Variants in CFAP46 observed in about 807,000 individuals in gnomAD.
The protein encoded by CFAP46 is cilia and flagella associated protein 46, also known as cilia- and flagella-associated protein 46.
In CFAP46, 245 loss-of-function variants were observed where a neutral mutation model predicts 325.7. The ratio of observed to expected loss-of-function variants is 0.75; its 90% confidence interval spans 0.68 to 0.84. The LOEUF (loss-of-function observed/expected upper bound fraction) is 0.84, where lower values mean the gene tolerates loss of function less well. CFAP46 is among the 40% of genes least tolerant of loss of function. CFAP46 has a pLI of 0.00. For synonymous variants in CFAP46, 1,523 were observed against 1,495.9 expected, an observed-to-expected ratio of 1.02 and a Z score of -0.42; for missense variants, 3,346 against 3,543.0, an observed-to-expected ratio of 0.94 and a Z score of 1.41.
intron 8 of CFAP46, among the ~76,000 whole-genome samples, chr10:132,931,326 C>T (rs1849897602): frequency 7.4e-6 from 1 of 135,158 alleles, no homozygotes; most frequent in Non-Finnish European, 1.6e-5. Context: ...CACGCAGAGC[C>T]TGGGCCTTCC....
chr10:132,830,335 G>T (rs546039357), intron 50 of CFAP46, among the ~76,000 whole-genome samples: 3 of 152,104 alleles, frequency 2.0e-5, no homozygotes, highest in African/African-American at 4.8e-5. Context: ...GTAGAGATGG[G>T]GTTTCACCAT....
intron 44 of CFAP46, among the ~76,000 whole-genome samples, chr10:132,838,732 G>A (rs1049841221): frequency 4.6e-5 from 7 of 152,258 alleles, no homozygotes; most frequent in Non-Finnish European, 8.8e-5. Flanking sequence ...GATTTCTACC[G>A]GGCGCAGAGT....
intron 31 of CFAP46, among the ~76,000 whole-genome samples, chr10:132,875,236 TGAA>T (rs930750759): frequency 2.0e-4 from 29 of 148,320 alleles, no homozygotes; most frequent in African/African-American, 7.4e-4. Context: ...TAAGAGATGC[TGAA>T]GAAGACCTAC....
Position 132,886,102 on chromosome 10 carries a change from C to T in CFAP46, c.3305-143G>A, listed in dbSNP as rs143877676. ...GAGGTGCCCAGGCCAGCGCATGCCC[C>T]GCAGGGCTGAAGTGAGCTGTGGACC... is the stretch of plus-strand genomic sequence containing the variant. On this transcript the variant is annotated intron_variant, in intron 25 of 57. Transcript: ENST00000368586. This position sits in a 1 kb window ranked among gnomAD's most constrained non-coding sequence, Gnocchi z 5.8. 206 of 1,181,976 alleles carry T rather than the reference C, an allele frequency of 1.7e-4. No homozygotes were observed. In the African/African-American group the frequency reaches 2.4e-3, roughly 14 times the overall value. 73.2% of individuals were successfully genotyped at this position (1,181,976 alleles called of 1,614,324 possible).
At chr10:132,858,303 A>C (rs4880452) in intron 38 of CFAP46, among the ~76,000 whole-genome samples, 10,964 of 35,544 alleles carry the variant, frequency 0.31, 949 homozygotes, top group Admixed American at 0.35. Context: ...GGGGGCAGGG[A>C]GGTGGGCGGG....
In CFAP46 at chr10:132,861,504, G is replaced by A. The variant is rs74161914; in HGVS notation, c.4891-522C>T. 4.6e-5 allele frequency among the ~76,000 whole-genome samples: 7 copies of A among 152,280 alleles called. No individual in the cohort carries two copies. In the South Asian group the frequency reaches 1.5e-3, roughly 32 times the overall value. On this transcript the variant is annotated intron_variant, in intron 35 of 57. Transcript: ENST00000368586. ...TAGGGGCTCCCGCTTGGGGCGAAAG[G>A]CTTCGGGACAGCCACACCTGGACAC...
intron 44 of CFAP46, among the ~76,000 whole-genome samples, chr10:132,840,566 A>C (rs769742898): frequency 6.6e-6 from 1 of 152,048 alleles, no homozygotes; most frequent in Admixed American, 6.5e-5. Context: ...CAAGGCTGTT[A>C]TTTTTCCTGT....
chr10:132,869,386 G>C lies in CFAP46; in HGVS notation c.4512-14C>G. 6.6e-7 allele frequency: 1 copy of C among 1,514,898 alleles called. No individual in the cohort carries two copies. Among genetic ancestry groups the C allele is most frequent in the East Asian group, 2.5e-5 (1 of 39,946 alleles). The allele number at this position is 1,514,898 out of a possible 1,614,324, so 93.8% of individuals were successfully genotyped here. On this transcript the variant is annotated splice_polypyrimidine_tract_variant and intron_variant, in intron 32 of 57. Transcript: ENST00000368586. The surrounding 1 kb of genome is among the most constrained non-coding windows in gnomAD (Gnocchi z 6.2). Reference sequence around the variant, plus strand: ...GCGTGGGCGAGGCTGTGGGGAGTGTGGCCGAAAGAGTCAGTGTTGCACGGG... The same window carrying C: ...GCGTGGGCGAGGCTGTGGGGAGTGTCGCCGAAAGAGTCAGTGTTGCACGGG...
chr10:132,868,235 C>G (rs1030485820), intron 33 of CFAP46, among the ~76,000 whole-genome samples: 5 of 152,190 alleles, frequency 3.3e-5, no homozygotes, highest in Non-Finnish European at 7.3e-5. Context: ...CGCTGGCCAC[C>G]CCACATCGCG....
intron 15 of CFAP46, among the ~76,000 whole-genome samples, chr10:132,918,848 A>T (rs1849677095): frequency 6.6e-6 from 1 of 152,126 alleles, no homozygotes; most frequent in Non-Finnish European, 1.5e-5. Context: ...TGACTCCTGC[A>T]GGACTCCCAG....
intron 26 of CFAP46, 60 bp downstream of exon 26, chr10:132,885,754 CACAGGCG>C (rs1849116411): frequency 6.9e-7 from 1 of 1,452,418 alleles, no homozygotes; most frequent in Admixed American, 2.1e-5. Context: ...GGGGAGCACT[CACAGGCG>C]GTGGGGGGAG....
intron 39 of CFAP46, among the ~76,000 whole-genome samples, chr10:132,854,558 C>T (rs549879163): frequency 2.6e-5 from 4 of 152,204 alleles, no homozygotes; most frequent in East Asian, 3.9e-4. Context: ...AGGATGGTCT[C>T]GATCTCCTGA....
intron 8 of CFAP46, among the ~76,000 whole-genome samples, chr10:132,933,724 A>C (rs1849949014): frequency 1.3e-5 from 2 of 152,338 alleles, no homozygotes; most frequent in South Asian, 4.1e-4. Context: ...CTCCCTGATG[A>C]GACCACGAAC....
chr10:132,846,337 C>T, intron 43 of CFAP46, 110 bp from the exon 44 acceptor site: 1 of 1,351,290 alleles, frequency 7.4e-7, no homozygotes, highest in Non-Finnish European at 9.9e-7. Flanking sequence ...AGTGGGCTGG[C>T]TCTCCTGGCA....
chr10:132,905,230 G>A (rs999352254), intron 22 of CFAP46, among the ~76,000 whole-genome samples: 28 of 152,138 alleles, frequency 1.8e-4, no homozygotes, highest in South Asian at 1.0e-3. Flanking sequence ...TGGAGAGTCC[G>A]GCTGTAAATG....
intron 41 of CFAP46, among the ~76,000 whole-genome samples, chr10:132,849,492 G>T (rs1848498640): frequency 6.6e-6 from 1 of 152,176 alleles, no homozygotes; most frequent in African/African-American, 2.4e-5. Flanking sequence ...TCTCTGCTGG[G>T]GCAGGTGCCT....
Position 132,874,798 on chromosome 10 carries a change from C to A in CFAP46, c.4363-1974G>T, listed in dbSNP as rs117809835. On this transcript the variant is annotated intron_variant, in intron 31 of 57. Coordinates refer to ENST00000368586, the MANE Select transcript of CFAP46 (RefSeq NM_001200049.3). The stretch of plus-strand genomic sequence containing the variant: ...AATAAAGATCGATAAAAACCTACAA[C>A]AAACATCAATTATACTTCAGAGTAA... Among the ~76,000 whole-genome samples, 23 of 152,290 alleles carry A rather than the reference C, an allele frequency of 1.5e-4. No homozygotes were observed. The East Asian group carries it at 4.2e-3, about 28-fold the overall frequency.
In CFAP46 at chr10:132,877,144, G is replaced by A. The variant is rs529786876; in HGVS notation, c.4213-183C>T. 2.6e-5 allele frequency among the ~76,000 whole-genome samples: 4 copies of A among 152,312 alleles called. No individual in the cohort carries two copies. In the East Asian group the frequency reaches 5.8e-4, roughly 22 times the overall value. On this transcript the variant is annotated intron_variant, in intron 30 of 57. Transcript: ENST00000368586. The surrounding 1 kb of genome is among the most constrained non-coding windows in gnomAD (Gnocchi z 5.7). The stretch of plus-strand genomic sequence containing the variant: ...CTGATACTGTTTCCAGGCAGTGCAC[G>A]CAAAGCTTTCTGCCCCGTGCACAGC...
chr10:132,916,418 A>T, intron 17 of CFAP46, 131 bp downstream of exon 17: 1 of 981,380 alleles, frequency 1.0e-6, no homozygotes. Flanking sequence ...GACGATGGAC[A>T]CGTCCCCCAC....
Sources: gnomAD v4.1 joint callset for allele counts (sites outside exome capture counted in the v4.1 genomes callset) on GRCh38, gnomAD v4.1.1 for gene constraint, Gnocchi (gnomAD v3.1) non-coding constraint, MANE v1.5 for transcripts, NCBI Gene and HGNC (gene_info 2026-07-23, HGNC 2026-07-21) for gene names.